RBM18: variants seen among roughly 807,000 people sequenced by gnomAD.
The protein encoded by RBM18 is RNA binding motif protein 18.
RBM18 carries 18 observed loss-of-function variants against 26.4 expected under a neutral mutation model. That is an observed-to-expected ratio of 0.68 (90% CI 0.47 to 1.01). RBM18 has a LOEUF of 1.01. RBM18 is among the 50% of genes least tolerant of loss of function. The pLI is 0.00. For missense variants in RBM18, 180 were observed against 219.2 expected (o/e 0.82, Z 1.13); for synonymous variants, 74 against 81.1 (o/e 0.91, Z 0.47).
intron 5 of RBM18, among the ~76,000 whole-genome samples, chr9:122,243,390 G>A (rs1355193865): frequency 6.6e-6 from 1 of 152,194 alleles, no homozygotes; most frequent in African/African-American, 2.4e-5. Context: ...TTAACAAACT[G>A]TAGTGAGGAT....
intron 3 of RBM18, among the ~76,000 whole-genome samples, chr9:122,249,125 T>A (rs74309552): frequency 1.8e-4 from 25 of 141,778 alleles, no homozygotes; most frequent in African/African-American, 4.9e-4. Flanking sequence ...ATGTTTTTTT[T>A]AAAATAATTT....
At chr9:122,247,755 G>T in intron 3 of RBM18, 151 bp from the exon 4 acceptor site, 49 of 536,752 alleles carry the variant, frequency 9.1e-5, no homozygotes, top group Non-Finnish European at 1.3e-4. Context: ...TTACAAGGCA[G>T]AATTTTAAAA....
In RBM18 at chr9:122,238,271, T is replaced by G. The variant is rs772979477; in HGVS notation, c.*3613A>C. Reference sequence around the variant, plus strand: ...GCCATTGTTTTAAATGCTGAGGGTATAGCAGTGATATACAGTTCCTGCTTA... The same window carrying G: ...GCCATTGTTTTAAATGCTGAGGGTAGAGCAGTGATATACAGTTCCTGCTTA... On this transcript the variant is annotated 3_prime_UTR_variant, in exon 6 of 6. Transcript: ENST00000417201. 1.3e-5 allele frequency: 2 copies of G among 152,256 alleles called. No individual in the cohort carries two copies. Among genetic ancestry groups the G allele is most frequent in the African/African-American group, 4.8e-5 (2 of 41,468 alleles). The allele number at this position is 152,256 out of a possible 1,614,324, so 9.4% of individuals were successfully genotyped here. A position where few individuals can be genotyped will look rare whatever the true frequency, so the allele number is the denominator to read the frequency against.
At chr9:122,252,955 G>C (rs1831627524) in intron 2 of RBM18, among the ~76,000 whole-genome samples, 1 of 152,142 alleles carries the variant, frequency 6.6e-6, no homozygotes. Context: ...CATCTGATGT[G>C]GGGGTGAGAC....
chr9:122,261,323 C>A, intron 2 of RBM18, 57 bp downstream of exon 2: 1 of 1,220,912 alleles, frequency 8.2e-7, no homozygotes, highest in Non-Finnish European at 1.2e-6. Flanking sequence ...TTCTTGACAT[C>A]ATCACCACAA....
chr9:122,246,231 C>T (rs1831503638), intron 4 of RBM18, among the ~76,000 whole-genome samples: 1 of 152,152 alleles, frequency 6.6e-6, no homozygotes, highest in Non-Finnish European at 1.5e-5. Flanking sequence ...TGGTCTTGAA[C>T]TCCTGGGCTG....
intron 3 of RBM18, among the ~76,000 whole-genome samples, chr9:122,248,716 G>A (rs780203212): frequency 2.4e-4 from 37 of 152,174 alleles, no homozygotes; most frequent in Non-Finnish European, 4.6e-4. Flanking sequence ...AACCTTCTTT[G>A]CCCCATTTGC....
At chr9:122,263,417 G>T (rs1014861241) in intron 1 of RBM18, among the ~76,000 whole-genome samples, 2 of 152,136 alleles carry the variant, frequency 1.3e-5, no homozygotes, top group Non-Finnish European at 2.9e-5. Flanking sequence ...ACACATTTTT[G>T]TCTTCCCTCT....
At chr9:122,255,696 T>C (rs1237087415) in intron 2 of RBM18, among the ~76,000 whole-genome samples, 1 of 152,216 alleles carries the variant, frequency 6.6e-6, no homozygotes, top group Non-Finnish European at 1.5e-5. Context: ...ATCTAGGTGA[T>C]AATCGATGGC....
chr9:122,246,605 T>C (rs1200770221), intron 4 of RBM18, among the ~76,000 whole-genome samples: 2 of 152,254 alleles, frequency 1.3e-5, no homozygotes, highest in Non-Finnish European at 2.9e-5. Flanking sequence ...TGTGATTACC[T>C]GAAATACTCA....
intron 1 of RBM18, among the ~76,000 whole-genome samples, chr9:122,262,653 G>A (rs908702225): frequency 2.6e-5 from 4 of 151,970 alleles, no homozygotes; most frequent in East Asian, 1.9e-4. Context: ...GCACGATCTC[G>A]GCTCACTACA....
rs1554813988 is a variant in RBM18, at chr9:122,250,080, A to AAAAAAAAAAG, written c.240+1766_240+1767insCTTTTTTTTT. ...GCAAGACCTTATTTAAAAAAAAAAA[A>AAAAAAAAAAG]GAATGCTAATTCTATATTCTATATT... On this transcript the variant is annotated intron_variant, in intron 3 of 5. Coordinates refer to ENST00000417201, the MANE Select transcript of RBM18 (RefSeq NM_033117.4). Among the ~76,000 whole-genome samples the AAAAAAAAAAG allele has an allele frequency of 1.0e-4, 15 of 150,402 alleles. 1 individual carries two copies. The highest frequency in any genetic ancestry group is 1.6e-4 in the Non-Finnish European group (11 of 67,578).
At chr9:122,252,957 G>A (rs982610488) in intron 2 of RBM18, among the ~76,000 whole-genome samples, 1 of 152,148 alleles carries the variant, frequency 6.6e-6, no homozygotes, top group Non-Finnish European at 1.5e-5. Flanking sequence ...TCTGATGTGG[G>A]GGTGAGACAA....
chr9:122,254,237 TA>T, intron 2 of RBM18: 1 of 424,770 alleles, frequency 2.4e-6, no homozygotes, highest in Non-Finnish European at 3.2e-6. Flanking sequence ...TTACTCTTTG[TA>T]AAGCTAACAA....
rs1202451086 is a variant in RBM18, at chr9:122,239,913, C to T, written c.*1971G>A. The T allele has an allele frequency of 2.0e-5, 3 of 152,236 alleles. No individual in the cohort carries two copies. In the East Asian group the frequency reaches 5.8e-4, roughly 29 times the overall value. 9.4% of individuals were successfully genotyped at this position (152,236 alleles called of 1,614,324 possible). On this transcript the variant is annotated 3_prime_UTR_variant, in exon 6 of 6. Transcript: ENST00000417201. The stretch of plus-strand genomic sequence containing the variant: ...GAAGGCACTTAGAAGAAGCACCCCA[C>T]GTGGACATGCTGGCCAGAGTCCTGA...
At chr9:122,253,517 C>T (rs576548092) in intron 2 of RBM18, among the ~76,000 whole-genome samples, 28 of 152,208 alleles carry the variant, frequency 1.8e-4, no homozygotes, top group African/African-American at 6.3e-4. Context: ...TCAGGGGAAA[C>T]GAAGACACCT....
At chr9:122,254,206 A>AC (rs546743319) in intron 2 of RBM18, 651 of 258,882 alleles carry the variant, frequency 2.5e-3, no homozygotes, top group Non-Finnish European at 2.9e-3. Context: ...GAAAAAAAAA[A>AC]ACACACACAC....
intron 5 of RBM18, among the ~76,000 whole-genome samples, chr9:122,244,079 AAC>A (rs1431064016): frequency 2.0e-5 from 3 of 152,200 alleles, no homozygotes; most frequent in African/African-American, 7.2e-5. Context: ...TGAGGAAAAT[AAC>A]ACAGTGGATA....
chr9:122,248,545 CTG>C (rs1240226999), intron 3 of RBM18, among the ~76,000 whole-genome samples: 2 of 152,198 alleles, frequency 1.3e-5, no homozygotes, highest in East Asian at 3.9e-4. Flanking sequence ...AGCAAGGTAT[CTG>C]TGTGAGTCAA....
Sources: gnomAD v4.1 joint callset for allele counts (sites outside exome capture counted in the v4.1 genomes callset) on GRCh38, gnomAD v4.1.1 for gene constraint, MANE v1.5 for transcripts, NCBI Gene and HGNC (gene_info 2026-07-23, HGNC 2026-07-21) for gene names.